Variants in SHLD2 observed in about 807,000 individuals in gnomAD.
The protein encoded by SHLD2 is shieldin complex subunit 2.
Under a neutral mutation model 73.2 loss-of-function variants are expected in SHLD2, and 30 were observed. That is an observed-to-expected ratio of 0.41 (90% CI 0.31 to 0.56). The LOEUF (loss-of-function observed/expected upper bound fraction) is 0.56, where lower values mean the gene tolerates loss of function less well. Among genes scored for constraint, SHLD2 ranks in the 20% least tolerant of loss-of-function variants. The probability of loss-of-function intolerance (pLI) is 0.28; values close to 1 mark genes in which losing one functional copy is unlikely to be tolerated. For missense variants in SHLD2, 745 were observed against 1,055.9 expected (o/e 0.71, Z 4.08); for synonymous variants, 285 against 370.1 (o/e 0.77, Z 2.64).
At chr10:87,094,594 T>C, upstream of SHLD2, 2 of 1,611,078 alleles carry the variant, frequency 1.2e-6, no homozygotes, top group South Asian at 2.2e-5. The surrounding 1 kb of genome is among the most constrained non-coding windows in gnomAD (Gnocchi z 6.6). Flanking sequence ...GTCCTCGCGG[T>C]CGGCCACCGC....
chr10:87,157,888 G>C (rs539568769), intron 3 of SHLD2, among the ~76,000 whole-genome samples, 160 bp from the exon 4 acceptor site: 1 of 152,306 alleles, frequency 6.6e-6, no homozygotes, highest in Admixed American at 6.5e-5. Context: ...TTTTAGATTT[G>C]CTGTTTTCTT....
At chr10:87,119,907 C>G (rs540896812) in intron 2 of SHLD2, among the ~76,000 whole-genome samples, 2 of 151,976 alleles carry the variant, frequency 1.3e-5, no homozygotes, top group South Asian at 4.2e-4. Flanking sequence ...CATATATAAC[C>G]TAAGTGTGGA....
chr10:87,183,567 G>A (rs1172083998), intron 8 of SHLD2, among the ~76,000 whole-genome samples: 4 of 151,948 alleles, frequency 2.6e-5, no homozygotes, highest in African/African-American at 7.3e-5. Context: ...TTGTCCCTTC[G>A]TTTTTCTATT....
intron 6 of SHLD2, among the ~76,000 whole-genome samples, chr10:87,173,423 T>A (rs1847740327): frequency 6.6e-6 from 1 of 151,978 alleles, no homozygotes; most frequent in African/African-American, 2.4e-5. Context: ...ACTGTTTAAA[T>A]ATTTCACAAT....
chr10:87,165,597 G>T (rs1038073358), intron 4 of SHLD2, among the ~76,000 whole-genome samples: 6 of 152,234 alleles, frequency 3.9e-5, no homozygotes, highest in Admixed American at 1.3e-4. Flanking sequence ...AATTGATCAG[G>T]ATTCTTCATA....
chr10:87,108,156 TCTC>T (rs1329770828), intron 2 of SHLD2, among the ~76,000 whole-genome samples: 2 of 152,164 alleles, frequency 1.3e-5, no homozygotes, highest in African/African-American at 4.8e-5. Context: ...TTCAAGTGAT[TCTC>T]CTCCCTCAGC....
intron 1 of SHLD2, among the ~76,000 whole-genome samples, chr10:87,096,210 A>G (rs888488705): frequency 4.6e-5 from 7 of 151,790 alleles, no homozygotes; most frequent in Non-Finnish European, 2.9e-5. Flanking sequence ...ACGCCCGGCT[A>G]ATTTTTGCAT....
chr10:87,188,228 T>G (rs902666505), intron 9 of SHLD2, among the ~76,000 whole-genome samples: 6 of 152,234 alleles, frequency 3.9e-5, no homozygotes, highest in Admixed American at 3.9e-4. Flanking sequence ...GCATGGCAGC[T>G]GAGCTCTGTC....
chr10:87,131,325 C>A (rs992624889), intron 2 of SHLD2, among the ~76,000 whole-genome samples: 6 of 152,034 alleles, frequency 3.9e-5, no homozygotes, highest in Admixed American at 3.3e-4. Context: ...ACTTTTCTAT[C>A]ACACCAAAAA....
At chr10:87,100,341 CTA>C (rs1842183531) in intron 2 of SHLD2, among the ~76,000 whole-genome samples, 1 of 152,178 alleles carries the variant, frequency 6.6e-6, no homozygotes, top group Admixed American at 6.5e-5. Flanking sequence ...GCTCAAAAGA[CTA>C]TTTCTTTCCC....
In SHLD2 at chr10:87,144,794, T is replaced by G. The variant is rs571270587; in HGVS notation, c.-5-6556T>G. On this transcript the variant is annotated intron_variant, in intron 2 of 9. Transcript: ENST00000298786. ...GGCGCCCGCCACCACGCCCAGCTAA[T>G]TTTTTGTATTTTTAGTAGAGACGGG... Among the ~76,000 whole-genome samples the G allele has an allele frequency of 3.9e-3, 575 of 148,982 alleles. 3 individuals carry two copies. The highest frequency in any genetic ancestry group is 0.013 in the African/African-American group (512 of 40,440).
chr10:87,129,245 C>G (rs1458040614), intron 2 of SHLD2, among the ~76,000 whole-genome samples: 1 of 152,130 alleles, frequency 6.6e-6, no homozygotes, highest in Non-Finnish European at 1.5e-5. Flanking sequence ...TGTACCACCA[C>G]GACTGGCTAA....
At chr10:87,129,771 C>T (rs1844296301) in intron 2 of SHLD2, among the ~76,000 whole-genome samples, 1 of 151,606 alleles carries the variant, frequency 6.6e-6, no homozygotes, top group African/African-American at 2.4e-5. Flanking sequence ...CAGGCCTGCA[C>T]CGCCAAACCT....
intron 4 of SHLD2, among the ~76,000 whole-genome samples, chr10:87,162,238 G>C (rs1846870849): frequency 6.6e-6 from 1 of 150,942 alleles, no homozygotes; most frequent in Admixed American, 6.6e-5. Context: ...CAGAATCCAG[G>C]GGCAGTAGAA....
chr10:87,156,180 C>T (rs1336872547), intron 3 of SHLD2, among the ~76,000 whole-genome samples: 1 of 151,524 alleles, frequency 6.6e-6, no homozygotes, highest in African/African-American at 2.4e-5. Context: ...GATTCTCCTG[C>T]CTCAGCCTCC....
At chr10:87,175,601 T>G (rs543829879) in intron 6 of SHLD2, among the ~76,000 whole-genome samples, 1 of 151,990 alleles carries the variant, frequency 6.6e-6, no homozygotes, top group Non-Finnish European at 1.5e-5. Flanking sequence ...GGAGAATCAC[T>G]TGAACCTGGG....
At chr10:87,108,464 G>A (rs1173723963) in intron 2 of SHLD2, among the ~76,000 whole-genome samples, 1 of 152,184 alleles carries the variant, frequency 6.6e-6, no homozygotes, top group Non-Finnish European at 1.5e-5. Context: ...TGGGATTACA[G>A]GCTTGAGCCA....
intron 7 of SHLD2, among the ~76,000 whole-genome samples, chr10:87,178,244 A>T (rs1848072907): frequency 6.8e-6 from 1 of 147,420 alleles, no homozygotes; most frequent in East Asian, 1.9e-4. Flanking sequence ...TCAAAAAAAA[A>T]AAAAAAAAAA....
chr10:87,096,201 C>T (rs1471813201), intron 1 of SHLD2, among the ~76,000 whole-genome samples: 5 of 152,094 alleles, frequency 3.3e-5, no homozygotes, highest in Non-Finnish European at 7.4e-5. Flanking sequence ...CGCGCCACCA[C>T]GCCCGGCTAA....
Sources: allele counts gnomAD v4.1 joint callset (sites outside exome capture counted in the v4.1 genomes callset), GRCh38; gene constraint gnomAD v4.1.1; non-coding constraint Gnocchi (gnomAD v3.1); transcripts MANE v1.5; gene names NCBI Gene and HGNC (gene_info 2026-07-23, HGNC 2026-07-21).